NOM1: variants seen among roughly 807,000 people sequenced by gnomAD.
The protein encoded by NOM1 is nucleolar MIF4G domain-containing protein 1.
Under a neutral mutation model 73.3 loss-of-function variants are expected in NOM1, and 58 were observed. The ratio of observed to expected loss-of-function variants is 0.79; its 90% CI spans 0.64 to 0.99. The LOEUF is 0.99. Ranked by LOEUF, NOM1 falls within the 50% of genes least tolerant of loss-of-function variation. NOM1 has a pLI of 0.00. For synonymous variants in NOM1, 487 were observed against 446.8 expected, an observed-to-expected ratio of 1.09 and a Z score of -1.14; for missense variants, 1,226 against 1,131.9, an observed-to-expected ratio of 1.08 and a Z score of -1.19.
chr7:156,950,140 A>T lies in NOM1; in HGVS notation c.403A>T (p.Ser135Cys). ...GGAGGAGCGCGCCCGCCCAGCCCCT[A>T]GTCGGGACCCCTCGCCTCCCAGGAA... is the stretch of plus-strand genomic sequence containing the variant. Reference protein sequence around the residue: ...DTEERARPAPSRDPSPPRKPR... With the variant: ...DTEERARPAPCRDPSPPRKPR... The change falls in exon 1 of 11, where the codon AGT (serine) becomes TGT (cysteine). Residue 135 changes from serine (S) to cysteine (C), a missense_variant. Ser to Cys is a moderately radical substitution (Grantham distance 112, BLOSUM62 -1). Transcript: ENST00000275820. The T allele has an allele frequency of 6.3e-7, 1 of 1,576,014 alleles. No individual in the cohort carries two copies. Among genetic ancestry groups the T allele is most frequent in the Non-Finnish European group, 8.6e-7 (1 of 1,164,644 alleles).
At position 156,966,275 on chromosome 7, in the gene NOM1, G is replaced by T; in HGVS notation, c.2039G>T (p.Gly680Val). ...ATTGCTGTTCTGTTTTCTAGGCTTGGACTTAAGGATCAGCAGGAGAGAGAA... is the reference window on the plus strand; with the variant it reads ...ATTGCTGTTCTGTTTTCTAGGCTTGTACTTAAGGATCAGCAGGAGAGAGAA... ...LDAFEKLLKL[G>V]LKDQQEREII... The change falls in exon 8 of 11, where the codon GGA becomes GTA. Residue 680 changes from glycine (G) to valine (V), a missense_variant. Transcript: ENST00000275820. 1 of 1,613,796 alleles carries T rather than the reference G, an allele frequency of 6.2e-7. No individual in the cohort carries two copies. Among genetic ancestry groups the T allele is most frequent in the Non-Finnish European group, 8.5e-7 (1 of 1,180,030 alleles).
At chr7:156,965,231 C>T (rs1424885426) in intron 7 of NOM1, among the ~76,000 whole-genome samples, 2 of 152,162 alleles carry the variant, frequency 1.3e-5, no homozygotes, top group African/African-American at 4.8e-5. Context: ...CAGCCGTATT[C>T]GGATCTCACC....
At position 156,949,770 on chromosome 7, in the gene NOM1, C is replaced by G. The variant is rs755465203; in HGVS notation, c.33C>G (p.Gly11=). Reference sequence around the variant, plus strand: ...CGTCCAGGAGCGCGGGAGAGGCCGGCCCGGGCGGCTCCCAGGGACGCGTGG... The same window carrying G: ...CGTCCAGGAGCGCGGGAGAGGCCGGGCCGGGCGGCTCCCAGGGACGCGTGG... MAASRSAGEA[G]PGGSQGRVVR... Residue 11 remains glycine, a synonymous_variant, in exon 1 of 11, where the codon GGC becomes GGG. Transcript: ENST00000275820. 2.1e-6 allele frequency: 3 copies of G among 1,402,618 alleles called. No individual in the cohort carries two copies. Among genetic ancestry groups the G allele is most frequent in the Non-Finnish European group, 2.8e-6 (3 of 1,083,836 alleles). The allele number at this position is 1,402,618 out of a possible 1,614,324, so 86.9% of individuals were successfully genotyped here.
chr7:156,957,805 A>G (rs1586568490), intron 3 of NOM1, among the ~76,000 whole-genome samples: 1 of 151,836 alleles, frequency 6.6e-6, no homozygotes, highest in Non-Finnish European at 1.5e-5. Flanking sequence ...AAAAAAGAAA[A>G]AGAAAATATA....
In NOM1 at chr7:156,958,274, T is replaced by C. The variant is rs192385390; in HGVS notation, c.1309-1577T>C. ...GTCTTGTCCAGCCCCACTAGCTTGCTGCCCCTCACGTAGTTCCTGGTTACC... is the reference window on the plus strand; with the variant it reads ...GTCTTGTCCAGCCCCACTAGCTTGCCGCCCCTCACGTAGTTCCTGGTTACC... On this transcript the variant is annotated intron_variant, in intron 3 of 10. Transcript: ENST00000275820. Among the ~76,000 whole-genome samples, 1,227 of 152,330 alleles carry C rather than the reference T, an allele frequency of 8.1e-3. 7 individuals are homozygous for C. Among genetic ancestry groups the C allele is most frequent in the Non-Finnish European group, 9.4e-3 (639 of 68,024 alleles).
Position 156,960,123 on chromosome 7 carries a change from A to ATT in NOM1, c.1581_1582insTT (p.Ala528LeufsTer23), listed in dbSNP as rs749385863. The ATT allele has an allele frequency of 6.2e-6, 10 of 1,613,990 alleles. No homozygotes were observed. Among genetic ancestry groups the ATT allele is most frequent in the Non-Finnish European group, 8.5e-6 (10 of 1,180,000 alleles). On this transcript the variant is annotated frameshift_variant, in exon 4 of 11. Coordinates refer to ENST00000275820, the MANE Select transcript of NOM1 (RefSeq NM_138400.2). LOFTEE classifies it high-confidence loss of function. Reference sequence around the variant, plus strand: ...TATCACTTAAGGAATTGATCACTGAAGCCCAGACCAAAGCCAGCGGGGCAG... The same window carrying ATT: ...TATCACTTAAGGAATTGATCACTGAATTGCCCAGACCAAAGCCAGCGGGGCAG...
At position 156,949,866 on chromosome 7, in the gene NOM1, G is replaced by T; in HGVS notation, c.129G>T (p.Lys43Asn). 1 of 1,513,696 alleles carries T rather than the reference G, an allele frequency of 6.6e-7. No individual in the cohort carries two copies. Among genetic ancestry groups the T allele is most frequent in the South Asian group, 1.3e-5 (1 of 79,590 alleles). The allele number at this position is 1,513,696 out of a possible 1,614,324, so 93.8% of individuals were successfully genotyped here. A position where few individuals can be genotyped will look rare whatever the true frequency, so the allele number is the denominator to read the frequency against. The part of the protein sequence containing the change: ...GPAGGGEKAL[K>N]RLKLAVEEFV... Reference sequence around the variant, plus strand: ...CTGGCGGTGGGGAGAAGGCCCTGAAGAGGCTGAAGCTAGCGGTGGAGGAGT... The same window carrying T: ...CTGGCGGTGGGGAGAAGGCCCTGAATAGGCTGAAGCTAGCGGTGGAGGAGT... The change falls in exon 1 of 11, where the codon AAG becomes AAT. Residue 43 changes from lysine to asparagine, a missense_variant. By Grantham distance (94) the Lys-to-Asn change is moderately conservative. Coordinates refer to ENST00000275820, the MANE Select transcript of NOM1 (RefSeq NM_138400.2).
Position 156,969,199 on chromosome 7 carries a change from A to G in NOM1, c.2408+3A>G, listed in dbSNP as rs1805079429. 2.2e-6 allele frequency: 3 copies of G among 1,386,884 alleles called. No individual in the cohort carries two copies. The highest frequency in any genetic ancestry group is 1.4e-5 in the African/African-American group (1 of 70,766). The allele number at this position is 1,386,884 out of a possible 1,614,324, so 85.9% of individuals were successfully genotyped here. A position where few individuals can be genotyped will look rare whatever the true frequency, so the allele number is the denominator to read the frequency against. Reference sequence around the variant, plus strand: ...GACCTCAGTTTAATTTTCACAAGGTATGTGCCCCACCCTTTCCGACGAGAC... The same window carrying G: ...GACCTCAGTTTAATTTTCACAAGGTGTGTGCCCCACCCTTTCCGACGAGAC... On this transcript the variant is annotated splice_donor_region_variant and intron_variant, in intron 10 of 10. Transcript: ENST00000275820.
intron 6 of NOM1, 159 bp downstream of exon 6, chr7:156,963,334 A>C: frequency 1.4e-6 from 1 of 695,792 alleles, no homozygotes; most frequent in Non-Finnish European, 2.5e-6. Flanking sequence ...TTAATATTAC[A>C]TTGTGATATA....
chr7:156,961,605 A>G (rs1161369856), intron 4 of NOM1, among the ~76,000 whole-genome samples: 1 of 152,136 alleles, frequency 6.6e-6, no homozygotes, highest in East Asian at 1.9e-4. Flanking sequence ...AAAGCCACAT[A>G]ATTATATACC....
In NOM1 at chr7:156,969,666, C is replaced by T. The variant is rs140308326; in HGVS notation, c.2546C>T (p.Thr849Met). ...NVLREKADLA[T>M]KCLQGKASLR... is the part of the protein sequence containing the mutation. ...CTGAGAGAGAAAGCTGACCTTGCAA[C>T]GAAGTGTCTGCAAGGAAAAGCTTCC... Residue 849 changes from threonine (T) to methionine (M), a missense_variant, in exon 11 of 11, where the codon ACG (threonine) becomes ATG (methionine). Coordinates refer to ENST00000275820, the MANE Select transcript of NOM1 (RefSeq NM_138400.2). 42 of 1,612,434 alleles carry T rather than the reference C, an allele frequency of 2.6e-5. No individual in the cohort carries two copies. The highest frequency in any genetic ancestry group is 2.4e-4 in the African/African-American group (18 of 74,848).
rs1563688128 is a variant in NOM1 at position 156,969,600 on chromosome 7, A to G, written c.2480A>G (p.Lys827Arg). Reference sequence around the variant, plus strand: ...CTTTTCATCAGCCACTTCTTGCTAAAGAACGCACAGGCCCACAGAAGCGCC... The same window carrying G: ...CTTTTCATCAGCCACTTCTTGCTAAGGAACGCACAGGCCCACAGAAGCGCC... Reference protein sequence around the residue: ...LKLFISHFLLKNAQAHRSADE... With the variant: ...LKLFISHFLLRNAQAHRSADE... The change falls in exon 11 of 11, where the codon AAG (lysine) becomes AGG (arginine). Residue 827 changes from lysine (K) to arginine (R), a missense_variant. Lys to Arg is a conservative substitution (Grantham distance 26, BLOSUM62 2). Coordinates refer to ENST00000275820, the MANE Select transcript of NOM1 (RefSeq NM_138400.2). 6.2e-7 allele frequency: 1 copy of G among 1,614,150 alleles called. No homozygotes were observed.
In NOM1 at chr7:156,963,087, G is replaced by A. The variant is rs61740219; in HGVS notation, c.1823G>A (p.Arg608His). The A allele has an allele frequency of 9.4e-3, 15,221 of 1,614,202 alleles. 98 individuals carry two copies. Among genetic ancestry groups the A allele is most frequent in the Non-Finnish European group, 0.011 (13,290 of 1,180,024 alleles). The change falls in exon 6 of 11, where the codon CGC (arginine) becomes CAC (histidine). Residue 608 changes from arginine to histidine, a missense_variant. Transcript: ENST00000275820. ...GTCTTGAGTGCGGAGCAGACGGGTC[G>A]CTGGTGGATTGTGGGGTCCGCCTGG... ...DSVLSAEQTG[R>H]WWIVGSAWSG...
intron 3 of NOM1, among the ~76,000 whole-genome samples, chr7:156,959,393 A>AG (rs1465746107): frequency 3.0e-5 from 4 of 132,296 alleles, no homozygotes; most frequent in African/African-American, 1.1e-4. Context: ...GCACACCACC[A>AG]CACCTGGCTA....
Position 156,959,926 on chromosome 7 carries a change from T to A in NOM1, c.1384T>A (p.Cys462Ser), listed in dbSNP as rs1586570130. The A allele has an allele frequency of 2.5e-6, 4 of 1,613,982 alleles. No homozygotes were observed. The East Asian group carries it at 8.9e-5, about 36-fold the overall frequency. Reference protein sequence around the residue: ...IYKYGSEGKECDNLFTVIAHL... With the variant: ...IYKYGSEGKESDNLFTVIAHL... ...TAAATACGGAAGCGAAGGGAAAGAG[T>A]GTGACAACCTGTTCACCGTCATTGC... Residue 462 changes from cysteine (C) to serine (S), a missense_variant, in exon 4 of 11, where the codon TGT becomes AGT. Transcript: ENST00000275820.
At chr7:156,968,517 T>C (rs1447523838) in intron 9 of NOM1, among the ~76,000 whole-genome samples, 1 of 152,082 alleles carries the variant, frequency 6.6e-6, no homozygotes, top group Non-Finnish European at 1.5e-5. Context: ...TCAGCTAAGA[T>C]TGCAGTGGGT....
In NOM1 at chr7:156,969,210, C is replaced by A; in HGVS notation, c.2408+14C>A. On this transcript the variant is annotated intron_variant, in intron 10 of 10. Coordinates refer to ENST00000275820, the MANE Select transcript of NOM1 (RefSeq NM_138400.2). ...AATTTTCACAAGGTATGTGCCCCAC[C>A]CTTTCCGACGAGACATGGAAGAGAA... is the stretch of plus-strand genomic sequence containing the variant. 2 of 1,276,170 alleles carry A rather than the reference C, an allele frequency of 1.6e-6. No homozygotes were observed. The highest frequency in any genetic ancestry group is 1.2e-5 in the South Asian group (1 of 83,302). The allele number at this position is 1,276,170 out of a possible 1,614,324, so 79.1% of individuals were successfully genotyped here. A position where few individuals can be genotyped will look rare whatever the true frequency, so the allele number is the denominator to read the frequency against.
In NOM1 at chr7:156,952,607, G is replaced by A; in HGVS notation, c.1112+9G>A. ...AAAGGTCTACTTAACAGGTGACCTT[G>A]TAGTGTTGTTACACTGTGTCACTTA... On this transcript the variant is annotated intron_variant, in intron 2 of 10. Coordinates refer to ENST00000275820, the MANE Select transcript of NOM1 (RefSeq NM_138400.2). The A allele has an allele frequency of 6.2e-7, 1 of 1,611,024 alleles. No individual in the cohort carries two copies. Among genetic ancestry groups the A allele is most frequent in the South Asian group, 1.1e-5 (1 of 90,206 alleles).
chr7:156,950,649 G>T lies in NOM1; in HGVS notation c.912G>T (p.Arg304Ser). The change falls in exon 1 of 11, where the codon AGG (arginine) becomes AGT (serine). Residue 304 changes from arginine to serine, a missense_variant. By Grantham distance (110) the Arg-to-Ser change is moderately radical. Coordinates refer to ENST00000275820, the MANE Select transcript of NOM1 (RefSeq NM_138400.2). ...EKEKGAQEKRRGKRVRFAEDE... is the reference protein window; with the variant it reads ...EKEKGAQEKRSGKRVRFAEDE... ...AAAAGGGAGCGCAGGAGAAAAGGAG[G>T]GGGAAGAGAGTCCGTTTTGCAGAAG... is the stretch of plus-strand genomic sequence containing the variant. 2 of 1,553,580 alleles carry T rather than the reference G, an allele frequency of 1.3e-6. No individual in the cohort carries two copies. Among genetic ancestry groups the T allele is most frequent in the South Asian group, 2.4e-5 (2 of 84,534 alleles).
Sources: allele counts gnomAD v4.1 joint callset (sites outside exome capture counted in the v4.1 genomes callset), GRCh38; gene constraint gnomAD v4.1.1; transcripts MANE v1.5; gene names NCBI Gene and HGNC (gene_info 2026-07-23, HGNC 2026-07-21).